Variants in CYP2R1 observed in about 807,000 individuals in gnomAD.
The protein encoded by CYP2R1 is vitamin D 25-hydroxylase.
A neutral mutation model predicts 45.7 loss-of-function variants in CYP2R1; 40 were observed. That is an observed-to-expected ratio of 0.87 (90% CI 0.68 to 1.14). The LOEUF (loss-of-function observed/expected upper bound fraction) is 1.14. Among genes scored for constraint, CYP2R1 ranks in the 50% most tolerant of loss-of-function variants. The probability of loss-of-function intolerance (pLI) is 0.00; values close to 1 mark genes in which losing one functional copy is unlikely to be tolerated. For synonymous variants in CYP2R1, 234 were observed against 219.3 expected, an observed-to-expected ratio of 1.07 and a Z score of -0.59; for missense variants, 605 against 602.6, an observed-to-expected ratio of 1.00 and a Z score of -0.04.
intron 1 of CYP2R1, chr11:14,890,799 C>A: frequency 1.1e-6 from 1 of 894,822 alleles, no homozygotes; most frequent in Non-Finnish European, 1.3e-6. Flanking sequence ...CCGCCCGCCT[C>A]GGCCTCCTAA....
chr11:14,882,787 C>G (rs1299029459), intron 2 of CYP2R1, among the ~76,000 whole-genome samples: 1 of 152,200 alleles, frequency 6.6e-6, no homozygotes, highest in Non-Finnish European at 1.5e-5. Flanking sequence ...GAAAACCCCA[C>G]TGTCTCAGCC....
intron 1 of CYP2R1, 114 bp from the exon 2 acceptor site, chr11:14,886,031 A>G: frequency 1.0e-6 from 1 of 1,000,380 alleles, no homozygotes; most frequent in Non-Finnish European, 1.5e-6. Flanking sequence ...CGTCCCTGAA[A>G]ATATAGGCAG....
chr11:14,892,077 CGGCCCCGGG>C lies in CYP2R1; in HGVS notation c.120_128del (p.Pro43_Gly45del), dbSNP rs782636175. ...TGTTGCCGATAAATGGCAGCCCCGG[CGGCCCCGGG>C]GGGAAGCCCATCGGCCGCCTCTGCT... On this transcript the variant is annotated inframe_deletion, in exon 1 of 5. Transcript: ENST00000334636. The C allele has an allele frequency of 3.7e-6, 6 of 1,611,804 alleles. No individual in the cohort carries two copies. The Middle Eastern group carries it at 7.0e-4, about 189-fold the overall frequency.
chr11:14,891,873 G>T, intron 1 of CYP2R1, 108 bp downstream of exon 1: 1 of 1,429,606 alleles, frequency 7.0e-7, no homozygotes, highest in South Asian at 1.4e-5. Context: ...CACACGGAGA[G>T]GTCCCGACTA....
chr11:14,891,490 G>T, intron 1 of CYP2R1: 1 of 993,012 alleles, frequency 1.0e-6, no homozygotes, highest in Non-Finnish European at 1.2e-6. Context: ...CACAGCAAAC[G>T]CCTACACCAG....
In CYP2R1 at chr11:14,880,526, C is replaced by T. The variant is rs1848337739; in HGVS notation, c.610G>A (p.Asp204Asn). The T allele has an allele frequency of 1.2e-6, 2 of 1,613,364 alleles. No homozygotes were observed. The highest frequency in any genetic ancestry group is 1.7e-5 in the Admixed American group (1 of 59,834). ...TCAATCATGTGCTGAAAATCGGTGTCTTCATAAGTGAATCGTTCTCCAAAA... is the reference window on the plus strand; with the variant it reads ...TCAATCATGTGCTGAAAATCGGTGTTTTCATAAGTGAATCGTTCTCCAAAA... ...IIFGERFTYE[D>N]TDFQHMIELF... The change falls in exon 3 of 5, where the codon GAC (aspartate) becomes AAC (asparagine). Residue 204 changes from aspartate (D) to asparagine (N), a missense_variant. Physicochemically the swap from Asp to Asn is conservative, Grantham distance 23. Coordinates refer to ENST00000334636, the MANE Select transcript of CYP2R1 (RefSeq NM_024514.5).
Position 14,888,298 on chromosome 11 carries a change from G to C in CYP2R1, c.226-2381C>G, listed in dbSNP as rs143353774. On this transcript the variant is annotated intron_variant, in intron 1 of 4. Transcript: ENST00000334636. ...TGTTTTGGTCACTGCTATATCTCTA[G>C]CACCTAGGACAGTGCACAGCATATG... is the stretch of plus-strand genomic sequence containing the variant. 7.4e-3 allele frequency among the ~76,000 whole-genome samples: 1,121 copies of C among 152,222 alleles called. 10 individuals carry two copies. The highest frequency in any genetic ancestry group is 7.5e-3 in the Non-Finnish European group (513 of 68,016).
At chr11:14,889,479 G>A (rs1460021188) in intron 1 of CYP2R1, among the ~76,000 whole-genome samples, 1 of 152,156 alleles carries the variant, frequency 6.6e-6, no homozygotes, top group African/African-American at 2.4e-5. Flanking sequence ...GGCATAGTGA[G>A]GCAAACAATG....
chr11:14,882,517 A>G (rs1260094893), intron 2 of CYP2R1, among the ~76,000 whole-genome samples: 6 of 152,146 alleles, frequency 3.9e-5, no homozygotes, highest in Admixed American at 3.9e-4. Flanking sequence ...TAAAAACCCT[A>G]CACTGGCCAA....
chr11:14,879,296 G>A lies in CYP2R1; in HGVS notation c.1148C>T (p.Thr383Ile), dbSNP rs1200486620. 1.2e-6 allele frequency: 2 copies of A among 1,613,126 alleles called. No homozygotes were observed. Among genetic ancestry groups the A allele is most frequent in the Non-Finnish European group, 8.5e-7 (1 of 1,179,528 alleles). The change falls in exon 4 of 5, where the codon ACC becomes ATC. Residue 383 changes from threonine (T) to isoleucine (I), a missense_variant. By Grantham distance (89) the Thr-to-Ile change is moderately conservative. Coordinates refer to ENST00000334636, the MANE Select transcript of CYP2R1 (RefSeq NM_024514.5). ...ACCACGTACAACTGCATCTTCAGAG[G>A]TTGCATGGAAAATCCCTAATGGAAC... ...NIVPLGIFHA[T>I]SEDAVVRGYS...
intron 1 of CYP2R1, among the ~76,000 whole-genome samples, chr11:14,890,274 C>T (rs1555016184): frequency 1.3e-5 from 2 of 151,004 alleles, no homozygotes; most frequent in African/African-American, 4.9e-5. Context: ...AAGACCTGAC[C>T]TCTAGTCTTA....
At chr11:14,887,685 C>T (rs1555015158) in intron 1 of CYP2R1, 5 of 979,854 alleles carry the variant, frequency 5.1e-6, no homozygotes, top group African/African-American at 1.8e-5. Flanking sequence ...ACCAGCCCTA[C>T]TCATAATTTT....
chr11:14,887,422 T>C (rs1445001502), intron 1 of CYP2R1: 1 of 188,686 alleles, frequency 5.3e-6, no homozygotes, highest in African/African-American at 2.4e-5. Context: ...TGAACTAGTA[T>C]GTATTCCTGT....
At chr11:14,891,858 G>C in intron 1 of CYP2R1, 123 bp downstream of exon 1, 1 of 1,407,696 alleles carries the variant, frequency 7.1e-7, no homozygotes, top group African/African-American at 1.5e-5. Context: ...TCAAAGGGCA[G>C]CCGGCACACG....
intron 1 of CYP2R1, chr11:14,887,012 G>C (rs1238831953): frequency 1.3e-5 from 2 of 152,268 alleles, no homozygotes; most frequent in African/African-American, 4.8e-5. Context: ...AACATGGACT[G>C]CCTGCCATAA....
rs1437421070 is a variant in CYP2R1 at position 14,885,829 on chromosome 11, A to G, written c.314T>C (p.Ile105Thr). The G allele has an allele frequency of 1.2e-6, 2 of 1,613,478 alleles. No homozygotes were observed. Among genetic ancestry groups the G allele is most frequent in the Non-Finnish European group, 1.7e-6 (2 of 1,179,818 alleles). Residue 105 changes from isoleucine to threonine, a missense_variant, in exon 2 of 5, where the codon ATT (isoleucine) becomes ACT (threonine). By Grantham distance (89) the Ile-to-Thr change is moderately conservative. Coordinates refer to ENST00000334636, the MANE Select transcript of CYP2R1 (RefSeq NM_024514.5). ...VKECLVHQSE[I>T]FADRPCLPLF... Reference sequence around the variant, plus strand: ...AGGAAGGCATGGTCTGTCTGCAAAAATTTCGCTTTGATGAACAAGGCATTC... The same window carrying G: ...AGGAAGGCATGGTCTGTCTGCAAAAGTTTCGCTTTGATGAACAAGGCATTC...
chr11:14,890,546 T>A, intron 1 of CYP2R1: 1 of 510,328 alleles, frequency 2.0e-6, no homozygotes, highest in Non-Finnish European at 2.4e-6. Flanking sequence ...TCTTTTTTTT[T>A]TTTTTTTTTT....
intron 2 of CYP2R1, among the ~76,000 whole-genome samples, chr11:14,881,021 G>A (rs1293454994): frequency 2.0e-5 from 3 of 152,050 alleles, no homozygotes; most frequent in Non-Finnish European, 4.4e-5. Flanking sequence ...AGTCAGTCCT[G>A]TGTAATTTAA....
At chr11:14,879,562 C>G in intron 3 of CYP2R1, 119 bp from the exon 4 acceptor site, 1 of 691,126 alleles carries the variant, frequency 1.4e-6, no homozygotes. Context: ...TAGATACATC[C>G]AGATTCAGAT....
Sources: gnomAD v4.1 joint callset for allele counts (sites outside exome capture counted in the v4.1 genomes callset) on GRCh38, gnomAD v4.1.1 for gene constraint, MANE v1.5 for transcripts, NCBI Gene and HGNC (gene_info 2026-07-23, HGNC 2026-07-21) for gene names.